Variants in LPAR5 observed in about 807,000 individuals in gnomAD.
The protein encoded by LPAR5 is G protein-coupled receptor 92.
For missense variants in LPAR5, 544 were observed against 521.8 expected, an observed-to-expected ratio of 1.04 and a Z score of -0.41; for synonymous variants, 271 against 261.6, an observed-to-expected ratio of 1.04 and a Z score of -0.35.
At chr12:6,624,267 T>C (rs990962416) in intron 1 of LPAR5, among the ~76,000 whole-genome samples, 9 of 151,374 alleles carry the variant, frequency 5.9e-5, no homozygotes, top group Non-Finnish European at 1.3e-4. Context: ...GCAGGTCTAA[T>C]CCATCGCACT....
Position 6,621,038 on chromosome 12 carries a change from A to C in LPAR5, c.211T>G (p.Phe71Val). 6.2e-7 allele frequency: 1 copy of C among 1,608,440 alleles called. No homozygotes were observed. Among genetic ancestry groups the C allele is most frequent in the Non-Finnish European group, 8.5e-7 (1 of 1,176,478 alleles). ...MCNLAASDLL[F>V]TLSLPVRLSY... Reference sequence around the variant, plus strand: ...AGACGAACGGGCAGCGAGAGGGTGAAGAGCAGGTCGCTGGCCGCCAGGTTA... The same window carrying C: ...AGACGAACGGGCAGCGAGAGGGTGACGAGCAGGTCGCTGGCCGCCAGGTTA... Residue 71 changes from phenylalanine to valine, a missense_variant, in exon 2 of 2, where the codon TTC becomes GTC. By Grantham distance (50) the Phe-to-Val change is conservative. Transcript: ENST00000329858.
rs151060687 is a variant in LPAR5 at position 6,621,226 on chromosome 12, G to A, written c.23C>T (p.Thr8Ile). The A allele has an allele frequency of 6.6e-7, 1 of 1,512,776 alleles. No homozygotes were observed. Among genetic ancestry groups the A allele is most frequent in the African/African-American group, 1.4e-5 (1 of 71,456 alleles). 93.7% of individuals were successfully genotyped at this position (1,512,776 alleles called of 1,614,324 possible). MLANSSSTNSSVLPCPDY... is the reference protein window; with the variant it reads MLANSSSINSSVLPCPDY... ...AGGACACGGGAGAACAGAACTGTTG[G>A]TTGAGGAGCTGTTGGCTAACATCGT... The change falls in exon 2 of 2, where the codon ACC becomes ATC. Residue 8 changes from threonine to isoleucine, a missense_variant. Transcript: ENST00000329858.
Position 6,620,402 on chromosome 12 carries a change from C to A in LPAR5, c.847G>T (p.Val283Leu). The A allele has an allele frequency of 1.2e-6, 2 of 1,611,226 alleles. No individual in the cohort carries two copies. Among genetic ancestry groups the A allele is most frequent in the Non-Finnish European group, 1.7e-6 (2 of 1,179,084 alleles). Reference sequence around the variant, plus strand: ...ACGCAGTTGGCGCCGGCCAGCAGCACCATCACCATCAGCACCCCGCGCACG... The same window carrying A: ...ACGCAGTTGGCGCCGGCCAGCAGCAACATCACCATCAGCACCCCGCGCACG... ...DRVRGVLMVM[V>L]LLAGANCVLD... Residue 283 changes from valine (V) to leucine (L), a missense_variant, in exon 2 of 2, where the codon GTG (valine) becomes TTG (leucine). Transcript: ENST00000329858. This position sits in a 1 kb window ranked among gnomAD's most constrained non-coding sequence, Gnocchi z 6.8.
intron 1 of LPAR5, among the ~76,000 whole-genome samples, chr12:6,635,134 A>G (rs954254116): frequency 2.6e-5 from 4 of 151,812 alleles, no homozygotes; most frequent in African/African-American, 9.7e-5. Context: ...AAAAAGGAGT[A>G]GTTCTGGAGA....
At position 6,620,900 on chromosome 12, in the gene LPAR5, C is replaced by A; in HGVS notation, c.349G>T (p.Val117Leu). The A allele has an allele frequency of 1.9e-6, 3 of 1,589,774 alleles. No individual in the cohort carries two copies. The South Asian group carries it at 3.4e-5, about 18-fold the overall frequency. ...TGCACGATGGCGGCGTAGCGGTCCACGTTGATGAGCATCAGGAAGATGCAG... is the reference window on the plus strand; with the variant it reads ...TGCACGATGGCGGCGTAGCGGTCCAAGTTGATGAGCATCAGGAAGATGCAG... ...GSCIFLMLIN[V>L]DRYAAIVHPL... The change falls in exon 2 of 2, where the codon GTG (valine) becomes TTG (leucine). Residue 117 changes from valine (V) to leucine (L), a missense_variant. Val to Leu is a conservative substitution (Grantham distance 32). Coordinates refer to ENST00000329858, the MANE Select transcript of LPAR5 (RefSeq NM_020400.6). The surrounding 1 kb of genome is among the most constrained non-coding windows in gnomAD (Gnocchi z 6.8).
intron 1 of LPAR5, among the ~76,000 whole-genome samples, chr12:6,626,416 A>C (rs965062671): frequency 6.6e-6 from 1 of 152,204 alleles, no homozygotes; most frequent in Non-Finnish European, 1.5e-5. Context: ...CCTGGCCACA[A>C]GTTTTTCTTG....
chr12:6,631,481 C>A, intron 1 of LPAR5: 1 of 152,498 alleles, frequency 6.6e-6, no homozygotes, highest in Non-Finnish European at 1.5e-5. Flanking sequence ...ATATCACCCA[C>A]CCCAACACCG....
chr12:6,632,048 T>C lies in LPAR5; in HGVS notation c.-217+3859A>G, dbSNP rs779151650. On this transcript the variant is annotated intron_variant, in intron 1 of 1. Transcript: ENST00000329858. The stretch of plus-strand genomic sequence containing the variant: ...GTGCAACGGTGCAATCTCAGCTCAC[T>C]GCAACCTCTGCCTCCCGGATTCACG... Among the ~76,000 whole-genome samples the C allele has an allele frequency of 7.6e-4, 115 of 152,142 alleles. 2 individuals are homozygous for C. The highest frequency in any genetic ancestry group is 3.4e-3 in the Middle Eastern group (1 of 294).
rs1395503737 is a variant in LPAR5 at position 6,620,286 on chromosome 12, G to T, written c.963C>A (p.Ala321=). The T allele has an allele frequency of 6.2e-7, 1 of 1,606,234 alleles. No individual in the cohort carries two copies. The highest frequency in any genetic ancestry group is 1.1e-5 in the South Asian group (1 of 90,498). ...LGTPHRARTS[A]TNGTRAALAQ... ...CGAGCGCCGCCCGCGTCCCGTTGGT[G>T]GCCGAGGTCCTGGCCCGGTGCGGAG... The change falls in exon 2 of 2, where the codon GCC becomes GCA. Residue 321 remains alanine, a synonymous_variant. Transcript: ENST00000329858. The surrounding 1 kb of genome is among the most constrained non-coding windows in gnomAD (Gnocchi z 6.8).
At chr12:6,621,520 G>A (rs987104754) in intron 1 of LPAR5, 56 bp from the exon 2 acceptor site, 3 of 344,340 alleles carry the variant, frequency 8.7e-6, no homozygotes, top group African/African-American at 6.4e-5. Context: ...ACACACAAAT[G>A]TTTAGCTCCA....
intron 1 of LPAR5, among the ~76,000 whole-genome samples, chr12:6,626,851 C>T (rs140509573): frequency 6.6e-6 from 1 of 152,324 alleles, no homozygotes; most frequent in Non-Finnish European, 1.5e-5. Context: ...CGCAACAGTG[C>T]GCAGGTTTAT....
chr12:6,634,104 C>T (rs532349287), intron 1 of LPAR5, among the ~76,000 whole-genome samples: 3 of 152,090 alleles, frequency 2.0e-5, no homozygotes, highest in Non-Finnish European at 4.4e-5. Flanking sequence ...CTCCCGGGTT[C>T]AAGGGATTCT....
chr12:6,633,269 A>C (rs1251425967), intron 1 of LPAR5, among the ~76,000 whole-genome samples: 4 of 152,146 alleles, frequency 2.6e-5, no homozygotes, highest in African/African-American at 9.7e-5. Context: ...GTCTGTGTGC[A>C]TCTGACCCTT....
chr12:6,625,532 T>A (rs564665643), intron 1 of LPAR5, among the ~76,000 whole-genome samples: 4 of 150,472 alleles, frequency 2.7e-5, no homozygotes, highest in South Asian at 4.2e-4. Flanking sequence ...CCATCCTGGC[T>A]AACATGGTGA....
Position 6,621,345 on chromosome 12 carries a change from G to T in LPAR5, c.-97C>A, listed in dbSNP as rs1480825592. On this transcript the variant is annotated 5_prime_UTR_variant, in exon 2 of 2. Transcript: ENST00000329858. ...CCTCCGGGGCTGGGGCCTAGAGGCTGTACAGACATGGTCCCAAAACAAGCA... is the reference window on the plus strand; with the variant it reads ...CCTCCGGGGCTGGGGCCTAGAGGCTTTACAGACATGGTCCCAAAACAAGCA... 12 of 1,213,742 alleles carry T rather than the reference G, an allele frequency of 9.9e-6. No homozygotes were observed. In the African/African-American group the frequency reaches 1.9e-4, roughly 19 times the overall value. The allele number at this position is 1,213,742 out of a possible 1,614,324, so 75.2% of individuals were successfully genotyped here. A position where few individuals can be genotyped will look rare whatever the true frequency, so the allele number is the denominator to read the frequency against.
rs758009547 is a variant in LPAR5 at position 6,620,403 on chromosome 12, C to T, written c.846G>A (p.Met282Ile). 10 of 1,611,104 alleles carry T rather than the reference C, an allele frequency of 6.2e-6. No individual in the cohort carries two copies. The Admixed American group carries it at 1.7e-4, about 27-fold the overall frequency. ...CGCAGTTGGCGCCGGCCAGCAGCACCATCACCATCAGCACCCCGCGCACGC... is the reference window on the plus strand; with the variant it reads ...CGCAGTTGGCGCCGGCCAGCAGCACTATCACCATCAGCACCCCGCGCACGC... ...RDRVRGVLMVMVLLAGANCVL... is the reference protein window; with the variant it reads ...RDRVRGVLMVIVLLAGANCVL... Residue 282 changes from methionine to isoleucine, a missense_variant, in exon 2 of 2, where the codon ATG becomes ATA. Physicochemically the swap from Met to Ile is conservative, Grantham distance 10. Coordinates refer to ENST00000329858, the MANE Select transcript of LPAR5 (RefSeq NM_020400.6). The surrounding 1 kb of genome is among the most constrained non-coding windows in gnomAD (Gnocchi z 6.8).
chr12:6,620,499 G>T lies in LPAR5; in HGVS notation c.750C>A (p.Tyr250Ter), dbSNP rs1211397336. The part of the protein sequence containing the change: ...LVIFLLCFVP[Y>*]NSTLAVYGLL... Reference sequence around the variant, plus strand: ...GCCCGTAGACCGCCAGCGTGCTGTTGTAGGGCACGAAGCACAGCAGGAAGA... The same window carrying T: ...GCCCGTAGACCGCCAGCGTGCTGTTTTAGGGCACGAAGCACAGCAGGAAGA... Residue 250 changes from tyrosine to a stop codon, truncating the protein, a stop_gained, in exon 2 of 2, where the codon TAC (tyrosine) becomes TAA (stop). Coordinates refer to ENST00000329858, the MANE Select transcript of LPAR5 (RefSeq NM_020400.6). LOFTEE classifies it low-confidence loss of function (END_TRUNC). This position sits in a 1 kb window ranked among gnomAD's most constrained non-coding sequence, Gnocchi z 6.8. 2.5e-6 allele frequency: 4 copies of T among 1,587,324 alleles called. No individual in the cohort carries two copies. The African/African-American group carries it at 4.0e-5, about 16-fold the overall frequency.
intron 1 of LPAR5, among the ~76,000 whole-genome samples, chr12:6,625,114 G>A (rs527323843): frequency 2.0e-4 from 30 of 152,110 alleles, no homozygotes; most frequent in Admixed American, 1.6e-3. Context: ...CCAAGACACC[G>A]AGCTTATTAC....
At chr12:6,629,304 A>T (rs1179613772) in intron 1 of LPAR5, among the ~76,000 whole-genome samples, 1 of 149,160 alleles carries the variant, frequency 6.7e-6, no homozygotes, top group African/African-American at 2.5e-5. Flanking sequence ...TGAGCCCGGG[A>T]GACGGAGGTT....
Sources: gnomAD v4.1 joint callset for allele counts (sites outside exome capture counted in the v4.1 genomes callset) on GRCh38, gnomAD v4.1.1 for gene constraint, Gnocchi (gnomAD v3.1) non-coding constraint, MANE v1.5 for transcripts, NCBI Gene and HGNC (gene_info 2026-07-23, HGNC 2026-07-21) for gene names.